The following CFAP141 variants were observed in gnomAD, a reference collection of about 807,000 sequenced individuals.
The protein encoded by CFAP141 is cilia- and flagella-associated protein 141.
chr1:154,199,964 C>T, the CFAP141 span, among the ~76,000 whole-genome samples: 19 of 152,124 alleles, frequency 1.2e-4, no homozygotes, highest in African/African-American at 4.6e-4. Context: ...GCAACCTCTG[C>T]CCTCGTTTCA....
At chr1:154,205,571 T>C in the CFAP141 span, 1 of 1,609,944 alleles carries the variant, frequency 6.2e-7, no homozygotes, top group Non-Finnish European at 8.5e-7. Context: ...AGCTCAAAGG[T>C]AAAGGGAGGG....
the CFAP141 span, chr1:154,200,310 T>TA: frequency 2.6e-6 from 2 of 758,666 alleles, no homozygotes; most frequent in East Asian, 2.7e-5. Context: ...GCAATGGAGT[T>TA]AGAGTTGTGT....
chr1:154,200,769 G>A, the CFAP141 span, among the ~76,000 whole-genome samples: 4 of 151,662 alleles, frequency 2.6e-5, no homozygotes, highest in Non-Finnish European at 4.4e-5. Flanking sequence ...TGCAACCTCT[G>A]CCTCCCAGGT....
the CFAP141 span, among the ~76,000 whole-genome samples, chr1:154,202,978 G>A: frequency 2.0e-5 from 3 of 149,122 alleles, no homozygotes; most frequent in East Asian, 2.0e-4. Flanking sequence ...AAAATTAGCC[G>A]AGCGTGGTGC....
chr1:154,200,666 C>T, the CFAP141 span: 2 of 1,440,538 alleles, frequency 1.4e-6, no homozygotes, highest in Non-Finnish European at 1.9e-6. Flanking sequence ...TAGAGTGAGG[C>T]TGTTTCTTTT....
chr1:154,203,906 C>G, the CFAP141 span, among the ~76,000 whole-genome samples: 1 of 152,082 alleles, frequency 6.6e-6, no homozygotes, highest in Admixed American at 6.6e-5. Context: ...GAAACCCCAA[C>G]GTGGTGAAAC....
the CFAP141 span, chr1:154,205,603 G>C: frequency 1.2e-6 from 2 of 1,613,720 alleles, no homozygotes; most frequent in Non-Finnish European, 1.7e-6. Flanking sequence ...ATTACCTGTC[G>C]ACCGTCTTCT....
the CFAP141 span, among the ~76,000 whole-genome samples, chr1:154,200,927 A>C: frequency 6.6e-6 from 1 of 152,082 alleles, no homozygotes; most frequent in Non-Finnish European, 1.5e-5. Context: ...CAGGTGATCC[A>C]CCTGCCTCGG....
chr1:154,200,387 C>T, the CFAP141 span: 4 of 1,532,674 alleles, frequency 2.6e-6, no homozygotes, highest in Non-Finnish European at 3.6e-6. Context: ...ACACTAAGAG[C>T]TTGGAAAACT....
the CFAP141 span, chr1:154,205,774 G>C: frequency 1.4e-6 from 1 of 723,606 alleles, no homozygotes; most frequent in East Asian, 2.7e-5. Context: ...GCGTGATCTC[G>C]GCTCACCGCA....
chr1:154,205,607 G>A, the CFAP141 span: 334 of 1,613,734 alleles, frequency 2.1e-4, no homozygotes, highest in Middle Eastern at 8.2e-4. Flanking sequence ...CCTGTCGACC[G>A]TCTTCTTAAG....
At chr1:154,200,631 G>C in the CFAP141 span, 2 of 1,607,440 alleles carry the variant, frequency 1.2e-6, no homozygotes, top group African/African-American at 1.3e-5. Context: ...GTGGGTTAGA[G>C]TTAGGAGTAG....
the CFAP141 span, chr1:154,199,638 T>C: frequency 1.4e-6 from 1 of 734,318 alleles, no homozygotes; most frequent in East Asian, 2.7e-5. Context: ...GAGCTGGACT[T>C]AGCTGTGACA....
At chr1:154,205,142 C>G in the CFAP141 span, among the ~76,000 whole-genome samples, 1 of 152,098 alleles carries the variant, frequency 6.6e-6, no homozygotes, top group African/African-American at 2.4e-5. Context: ...CCTCAGCCTC[C>G]CAAAGTGCTA....
the CFAP141 span, chr1:154,200,457 A>G: frequency 6.2e-7 from 1 of 1,614,150 alleles, no homozygotes; most frequent in Non-Finnish European, 8.5e-7. Flanking sequence ...GCTAGAACTC[A>G]CCATTAGTAG....
the CFAP141 span, among the ~76,000 whole-genome samples, chr1:154,200,241 A>C: frequency 6.6e-6 from 1 of 152,238 alleles, no homozygotes; most frequent in Non-Finnish European, 1.5e-5. Flanking sequence ...TGGGACTTTA[A>C]CATGTGCCTG....
At chr1:154,202,863 G>A in the CFAP141 span, among the ~76,000 whole-genome samples, 1 of 151,768 alleles carries the variant, frequency 6.6e-6, no homozygotes. Flanking sequence ...GCTCATGCCT[G>A]TAATCCCAGC....
the CFAP141 span, among the ~76,000 whole-genome samples, chr1:154,202,751 A>G: frequency 6.6e-6 from 1 of 152,030 alleles, no homozygotes; most frequent in Non-Finnish European, 1.5e-5. Context: ...CAGTGAGCCA[A>G]GATGGTGCCA....
the CFAP141 span, among the ~76,000 whole-genome samples, chr1:154,203,150 AGTT>A: frequency 4.3e-5 from 5 of 117,258 alleles, no homozygotes; most frequent in South Asian, 2.9e-4. Context: ...AAAAAAAAAA[AGTT>A]GTTATCTCTG....
Sources: gnomAD v4.1 joint callset for allele counts (sites outside exome capture counted in the v4.1 genomes callset) on GRCh38, gnomAD v4.1.1 for gene constraint, MANE v1.5 for transcripts, NCBI Gene and HGNC (gene_info 2026-07-23, HGNC 2026-07-21) for gene names.